Variants in POLR2B observed in about 807,000 individuals in gnomAD.
POLR2B encodes the protein RNA polymerase II subunit B.
A neutral mutation model predicts 144.6 loss-of-function variants in POLR2B; 57 were observed. The ratio of observed to expected loss-of-function variants is 0.39; its 90% CI spans 0.32 to 0.49. The LOEUF is 0.49. Among genes scored for constraint, POLR2B ranks in the 20% least tolerant of loss-of-function variants. The probability of loss-of-function intolerance (pLI) is 0.83; values close to 1 mark genes in which losing one functional copy is unlikely to be tolerated. For synonymous variants in POLR2B, 442 were observed against 469.8 expected, an observed-to-expected ratio of 0.94 and a Z score of 0.77; for missense variants, 595 against 1,467.4, an observed-to-expected ratio of 0.41 and a Z score of 9.71.
At position 57,010,349 on chromosome 4, in the gene POLR2B, A is replaced by AT. The variant is rs1560479729; in HGVS notation, c.1405-5dup. On this transcript the variant is annotated splice_polypyrimidine_tract_variant and intron_variant, in intron 10 of 24. Coordinates refer to ENST00000314595, the MANE Select transcript of POLR2B (RefSeq NM_000938.3). ...AATGTCCAGACTTTAAAGATTGGCT[A>AT]TTTTTTTCTAGGTGTTAAACCGCCT... 4 of 1,611,988 alleles carry AT rather than the reference A, an allele frequency of 2.5e-6. No homozygotes were observed. Among genetic ancestry groups the AT allele is most frequent in the Admixed American group, 1.7e-5 (1 of 59,574 alleles).
chr4:57,017,607 A>G lies in POLR2B; in HGVS notation c.2202A>G (p.Gly734=), dbSNP rs186206355. ...CTGCTATGGGTAAGCAGGCTATGGGAGTTTACATCACCAACTTCCATGTTC... is the reference window on the plus strand; with the variant it reads ...CTGCTATGGGTAAGCAGGCTATGGGGGTTTACATCACCAACTTCCATGTTC... ...YQSAMGKQAM[G]VYITNFHVRM... is the part of the protein sequence containing the mutation. The change falls in exon 16 of 25, where the codon GGA becomes GGG. Residue 734 remains glycine (G), a synonymous_variant. Coordinates refer to ENST00000314595, the MANE Select transcript of POLR2B (RefSeq NM_000938.3). This position sits in a 1 kb window ranked among gnomAD's most constrained non-coding sequence, Gnocchi z 4.8. 1 of 1,613,824 alleles carries G rather than the reference A, an allele frequency of 6.2e-7. No individual in the cohort carries two copies. Among genetic ancestry groups the G allele is most frequent in the East Asian group, 2.2e-5 (1 of 44,870 alleles).
At chr4:56,996,274 ATATATTT>A (rs1722682116) in intron 6 of POLR2B, among the ~76,000 whole-genome samples, 2 of 86,984 alleles carry the variant, frequency 2.3e-5, no homozygotes, top group South Asian at 1.0e-3. Context: ...ATATATATAT[ATATATTT>A]TTTTTTTTTT....
In POLR2B at chr4:57,025,469, T is replaced by TC; in HGVS notation, c.3171_3172insC (p.Lys1058GlnfsTer7). 6.2e-7 allele frequency: 1 copy of TC among 1,611,510 alleles called. No individual in the cohort carries two copies. Among genetic ancestry groups the TC allele is most frequent in the Non-Finnish European group, 8.5e-7 (1 of 1,177,556 alleles). ...AGCGTTTGAAGCATATGGTGGATGA[T>TC]AAGATTCACTCTCGTGCTAGGGGAC... On this transcript the variant is annotated frameshift_variant, in exon 23 of 25. Coordinates refer to ENST00000314595, the MANE Select transcript of POLR2B (RefSeq NM_000938.3). LOFTEE classifies it high-confidence loss of function.
chr4:57,026,821 A>G (rs1056884027), intron 23 of POLR2B, among the ~76,000 whole-genome samples: 4 of 152,226 alleles, frequency 2.6e-5, no homozygotes, highest in Non-Finnish European at 5.9e-5. Flanking sequence ...TATTTTCCAG[A>G]TGAATTTAGT....
chr4:57,012,753 C>T (rs115071702), intron 13 of POLR2B, among the ~76,000 whole-genome samples: 1 of 152,130 alleles, frequency 6.6e-6, no homozygotes, highest in East Asian at 1.9e-4. Flanking sequence ...CAACCTCTGT[C>T]TCCCAGGTTC....
intron 13 of POLR2B, among the ~76,000 whole-genome samples, chr4:57,013,163 A>G (rs563275630): frequency 6.6e-6 from 1 of 152,126 alleles, no homozygotes; most frequent in African/African-American, 2.4e-5. Context: ...TTTGGTAGAG[A>G]TGGGGTTTTG....
rs3821994 is a variant in POLR2B, at chr4:56,999,501, G to C, written c.736-116G>C. On this transcript the variant is annotated intron_variant, in intron 6 of 24. Transcript: ENST00000314595. ...GAGGTTCCTCACAGTATTGGGAGGC[G>C]TGCTTCTTTTGAAATGTGCACAAAG... The C allele has an allele frequency of 1.0e-5, 6 of 587,506 alleles. No homozygotes were observed. The East Asian group carries it at 1.9e-4, about 19-fold the overall frequency. The allele number at this position is 587,506 out of a possible 1,614,324, so 36.4% of individuals were successfully genotyped here.
At chr4:57,029,129 C>T (rs747915327) in intron 23 of POLR2B, among the ~76,000 whole-genome samples, 7 of 152,086 alleles carry the variant, frequency 4.6e-5, no homozygotes, top group South Asian at 2.1e-4. Context: ...TGAGATTTAG[C>T]GTTTGAGTTT....
chr4:57,010,625 T>A (rs925728716), intron 11 of POLR2B, 121 bp downstream of exon 11: 192 of 1,346,992 alleles, frequency 1.4e-4, no homozygotes, highest in Admixed American at 1.9e-4. Context: ...AAGTTTTTTT[T>A]ATAATTGTAT....
chr4:57,028,117 C>T (rs1723784279), intron 23 of POLR2B, among the ~76,000 whole-genome samples: 1 of 152,084 alleles, frequency 6.6e-6, no homozygotes, highest in Admixed American at 6.6e-5. Flanking sequence ...AATTCTAAGT[C>T]TGAATTAACA....
At chr4:57,030,543 T>G in intron 24 of POLR2B, 144 bp downstream of exon 24, 1 of 610,844 alleles carries the variant, frequency 1.6e-6, no homozygotes, top group Non-Finnish European at 2.8e-6. Flanking sequence ...GAGTTCTAAA[T>G]AAGGAAAAGA....
chr4:57,012,437 C>T (rs940821901), intron 13 of POLR2B, among the ~76,000 whole-genome samples: 1 of 151,252 alleles, frequency 6.6e-6, no homozygotes, highest in Non-Finnish European at 1.5e-5. Flanking sequence ...AAAATCATTA[C>T]AATATATTGT....
chr4:57,019,664 A>G lies in POLR2B; in HGVS notation c.2324-1235A>G, dbSNP rs543015456. On this transcript the variant is annotated intron_variant, in intron 16 of 24. Coordinates refer to ENST00000314595, the MANE Select transcript of POLR2B (RefSeq NM_000938.3). ...GTATGTGTTTCCTAAGAACAAGGAC[A>G]TTCTCTGCAGTGTAGCCATCAAAAT... Among the ~76,000 whole-genome samples, 3 of 152,078 alleles carry G rather than the reference A, an allele frequency of 2.0e-5. No individual in the cohort carries two copies. The East Asian group carries it at 5.8e-4, about 29-fold the overall frequency.
At chr4:57,018,629 G>A (rs765999307) in intron 16 of POLR2B, among the ~76,000 whole-genome samples, 38 of 152,290 alleles carry the variant, frequency 2.5e-4, no homozygotes, top group Non-Finnish European at 4.7e-4. Context: ...ACACTAAGAC[G>A]TGAACTTCCA....
At position 57,025,515 on chromosome 4, in the gene POLR2B, C is replaced by A; in HGVS notation, c.3217C>A (p.Gln1073Lys). Residue 1073 changes from glutamine (Q) to lysine (K), a missense_variant, in exon 23 of 25, where the codon CAG becomes AAG. By Grantham distance (53) the Gln-to-Lys change is moderately conservative (BLOSUM62 1). Coordinates refer to ENST00000314595, the MANE Select transcript of POLR2B (RefSeq NM_000938.3). ...GGGACCTATTCAGATCCTCAATAGA[C>A]AGCCCATGGAGGGTAGATCTCGGTA... The part of the protein sequence containing the change: ...ARGPIQILNR[Q>K]PMEGRSRDGG... 6.2e-7 allele frequency: 1 copy of A among 1,606,108 alleles called. No homozygotes were observed. The highest frequency in any genetic ancestry group is 8.5e-7 in the Non-Finnish European group (1 of 1,172,732).
chr4:56,994,381 C>T (rs756681503), intron 3 of POLR2B, 23 bp from the exon 4 acceptor site: 2 of 1,211,398 alleles, frequency 1.7e-6, no homozygotes, highest in East Asian at 2.3e-5. Context: ...TTACCCTTTT[C>T]ATGTTTTTTT....
At position 57,017,345 on chromosome 4, in the gene POLR2B, A is replaced by G; in HGVS notation, c.2154+104A>G. Reference sequence around the variant, plus strand: ...TGGAGGGAAAAAGCCTTTTAATGAAAAGGCTATTAACTCCTACGGAATCAG... The same window carrying G: ...TGGAGGGAAAAAGCCTTTTAATGAAGAGGCTATTAACTCCTACGGAATCAG... On this transcript the variant is annotated intron_variant, in intron 15 of 24. Coordinates refer to ENST00000314595, the MANE Select transcript of POLR2B (RefSeq NM_000938.3). The surrounding 1 kb of genome is among the most constrained non-coding windows in gnomAD (Gnocchi z 4.8). The G allele has an allele frequency of 1.1e-6, 1 of 885,516 alleles. No homozygotes were observed. The highest frequency in any genetic ancestry group is 1.8e-6 in the Non-Finnish European group (1 of 561,338). 54.9% of individuals were successfully genotyped at this position (885,516 alleles called of 1,614,324 possible). A position where few individuals can be genotyped will look rare whatever the true frequency, so the allele number is the denominator to read the frequency against.
chr4:57,015,615 G>C lies in POLR2B; in HGVS notation c.1914G>C (p.Arg638Ser). The stretch of plus-strand genomic sequence containing the variant: ...AACAAAAGCTACTTTTGAAGAAGAG[G>C]CATATTGACCAATTGAAAGAGAGAG... ...VEKQKLLLKK[R>S]HIDQLKEREY... The change falls in exon 14 of 25, where the codon AGG becomes AGC. Residue 638 changes from arginine (R) to serine (S), a missense_variant. Arg to Ser is a moderately radical substitution (Grantham distance 110). Around this residue, in one of 9 missense-constraint regions of POLR2B, gnomAD observed 59 missense variants for 84.2 expected, o/e 0.70. Transcript: ENST00000314595. The C allele has an allele frequency of 6.6e-7, 1 of 1,506,658 alleles. No homozygotes were observed. Among genetic ancestry groups the C allele is most frequent in the Non-Finnish European group, 9.0e-7 (1 of 1,115,770 alleles). 93.3% of individuals were successfully genotyped at this position (1,506,658 alleles called of 1,614,324 possible). A position where few individuals can be genotyped will look rare whatever the true frequency, so the allele number is the denominator to read the frequency against.
At position 57,031,102 on chromosome 4, in the gene POLR2B, T is replaced by C; in HGVS notation, c.*114T>C. 3 of 750,714 alleles carry C rather than the reference T, an allele frequency of 4.0e-6. No individual in the cohort carries two copies. 46.5% of individuals were successfully genotyped at this position (750,714 alleles called of 1,614,324 possible). Reference sequence around the variant, plus strand: ...GTTGTGATAAAAAGTATTTTATTTGTTTAATGATATGCATGCTTTTCTTCT... The same window carrying C: ...GTTGTGATAAAAAGTATTTTATTTGCTTAATGATATGCATGCTTTTCTTCT... On this transcript the variant is annotated 3_prime_UTR_variant, in exon 25 of 25. Coordinates refer to ENST00000314595, the MANE Select transcript of POLR2B (RefSeq NM_000938.3).
Sources: gnomAD v4.1 joint callset for allele counts (sites outside exome capture counted in the v4.1 genomes callset) on GRCh38, gnomAD v4.1.1 for gene constraint, gnomAD v4.1.1 regional missense constraint, Gnocchi (gnomAD v3.1) non-coding constraint, MANE v1.5 for transcripts, NCBI Gene and HGNC (gene_info 2026-07-23, HGNC 2026-07-21) for gene names.